PPRC1: variants seen among roughly 807,000 people sequenced by gnomAD.
PPRC1 encodes the protein peroxisome proliferator-activated receptor gamma coactivator-related protein 1.
In PPRC1, 23 loss-of-function variants were observed where a neutral mutation model predicts 132.5. The observed-to-expected ratio is 0.17, with a 90% CI of 0.12 to 0.25. The LOEUF (loss-of-function observed/expected upper bound fraction) is 0.25, where lower values mean the gene tolerates loss of function less well. Ranked by LOEUF, PPRC1 falls within the 10% of genes least tolerant of loss-of-function variation. The pLI is 1.00. For synonymous variants in PPRC1, 872 were observed against 833.5 expected (o/e 1.05, Z -0.80); for missense variants, 2,006 against 2,089.1 (o/e 0.96, Z 0.78).
Position 102,139,853 on chromosome 10 carries a change from G to A in PPRC1, c.1345G>A (p.Ala449Thr). The change falls in exon 5 of 14, where the codon GCA (alanine) becomes ACA (threonine). Residue 449 changes from alanine (A) to threonine (T), a missense_variant. Physicochemically the swap from Ala to Thr is moderately conservative, Grantham distance 58. Transcript: ENST00000278070. Reference sequence around the variant, plus strand: ...GGAGCCTCAGAACCCACCTGCCAATGCAGCACCAGGTTCCCAGAGAGCTCG... The same window carrying A: ...GGAGCCTCAGAACCCACCTGCCAATACAGCACCAGGTTCCCAGAGAGCTCG... ...PKEPQNPPAN[A>T]APGSQRARKG... 3.1e-6 allele frequency: 5 copies of A among 1,614,226 alleles called. No homozygotes were observed. The highest frequency in any genetic ancestry group is 4.2e-6 in the Non-Finnish European group (5 of 1,180,034).
Position 102,139,842 on chromosome 10 carries a change from C to T in PPRC1, c.1334C>T (p.Pro445Leu). The T allele has an allele frequency of 6.2e-7, 1 of 1,614,216 alleles. No individual in the cohort carries two copies. The highest frequency in any genetic ancestry group is 8.5e-7 in the Non-Finnish European group (1 of 1,180,032). ...GTGGTGCCCAAGGAGCCTCAGAACC[C>T]ACCTGCCAATGCAGCACCAGGTTCC... The part of the protein sequence containing the change: ...EPVVPKEPQN[P>L]PANAAPGSQR... Residue 445 changes from proline to leucine, a missense_variant, in exon 5 of 14, where the codon CCA (proline) becomes CTA (leucine). Pro to Leu is a moderately conservative substitution (Grantham distance 98). This residue lies in a region of PPRC1 where 1,914 missense variants were observed against 1,917.2 expected (regional missense o/e 1.00). Coordinates refer to ENST00000278070, the MANE Select transcript of PPRC1 (RefSeq NM_015062.5).
intron 2 of PPRC1, 75 bp from the exon 3 acceptor site, chr10:102,138,544 C>G: frequency 6.6e-7 from 1 of 1,523,502 alleles, no homozygotes; most frequent in Non-Finnish European, 8.9e-7. Context: ...CTGATTCTCT[C>G]GATATCCAGT....
At chr10:102,129,352 T>C (rs528202004), upstream of PPRC1, among the ~76,000 whole-genome samples, 1 of 152,154 alleles carries the variant, frequency 6.6e-6, no homozygotes, top group Non-Finnish European at 1.5e-5. Flanking sequence ...AAGGTTTTCC[T>C]TCATGGTCAT....
At chr10:102,126,418 C>T in the PPRC1 span, among the ~76,000 whole-genome samples, 1 of 150,824 alleles carries the variant, frequency 6.6e-6, no homozygotes, top group South Asian at 2.1e-4. Context: ...AAACCTCCAG[C>T]ATCTAACAGA....
the PPRC1 span, among the ~76,000 whole-genome samples, chr10:102,126,759 G>A: frequency 2.0e-5 from 3 of 151,758 alleles, no homozygotes; most frequent in East Asian, 1.9e-4. Context: ...ACACCCAGCC[G>A]CAGCCGTGAA....
intron 1 of PPRC1, among the ~76,000 whole-genome samples, chr10:102,137,543 A>G (rs1032666651): frequency 2.6e-5 from 4 of 152,166 alleles, no homozygotes; most frequent in Non-Finnish European, 4.4e-5. Flanking sequence ...CACTGCTGCC[A>G]GTAGATGATT....
At chr10:102,131,913 C>G (rs1032837235), upstream of PPRC1, among the ~76,000 whole-genome samples, 1 of 152,196 alleles carries the variant, frequency 6.6e-6, no homozygotes, top group South Asian at 2.1e-4. Flanking sequence ...CCACTTCAGC[C>G]TCCCAAAGTG....
chr10:102,120,347 GGTGTGAGTCCGCGGA>G, the PPRC1 span: 5 of 984,254 alleles, frequency 5.1e-6, no homozygotes, highest in Non-Finnish European at 6.0e-6. Context: ...TGTGCGCGCG[GGTGTGAGTCCGCGGA>G]GTGTGTGTCC....
the PPRC1 span, among the ~76,000 whole-genome samples, chr10:102,123,833 CTTTTTTTTTTTT>C: frequency 1.8e-3 from 125 of 68,312 alleles, 1 homozygote; most frequent in African/African-American, 6.5e-3. Context: ...CACGCCCGGC[CTTTTTTTTTTTT>C]TTTTTTTTTT....
chr10:102,121,201 T>G, the PPRC1 span, among the ~76,000 whole-genome samples: 43 of 152,012 alleles, frequency 2.8e-4, 1 homozygote, highest in South Asian at 8.9e-3. Context: ...TAGGAGGCCA[T>G]CCTTCCTTCT....
At position 102,137,879 on chromosome 10, in the gene PPRC1, T is replaced by A; in HGVS notation, c.183T>A (p.Ser61=). Residue 61 remains serine (S), a synonymous_variant, in exon 2 of 14, where the codon TCT becomes TCA. Coordinates refer to ENST00000278070, the MANE Select transcript of PPRC1 (RefSeq NM_015062.5). ...TGCTGCATGAGGAGGCGGGTGATTC[T>A]GGCTTTGTCAGTCTCTCTCGGCTGG... ...QVLLHEEAGD[S]GFVSLSRLGP... The A allele has an allele frequency of 6.2e-7, 1 of 1,614,086 alleles. No individual in the cohort carries two copies. The highest frequency in any genetic ancestry group is 8.5e-7 in the Non-Finnish European group (1 of 1,179,970).
In PPRC1 at chr10:102,140,069, C is replaced by G; in HGVS notation, c.1561C>G (p.Pro521Ala). Residue 521 changes from proline (P) to alanine (A), a missense_variant, in exon 5 of 14, where the codon CCC becomes GCC. Physicochemically the swap from Pro to Ala is conservative, Grantham distance 27. Around this residue, in one of 2 missense-constraint regions of PPRC1, gnomAD observed 1,914 missense variants for 1,917.2 expected, o/e 1.00. Transcript: ENST00000278070. ...TGGGCCTCTCCAGGGTAAGGGGAAG[C>G]CCCGGGCTTGGGCTCGGGCCTGGGC... ...ESGPLQGKGK[P>A]RAWARAWAAA... is the part of the protein sequence containing the mutation. The G allele has an allele frequency of 6.2e-7, 1 of 1,614,220 alleles. No homozygotes were observed. The highest frequency in any genetic ancestry group is 8.5e-7 in the Non-Finnish European group (1 of 1,180,034).
intron 2 of PPRC1, 85 bp from the exon 3 acceptor site, chr10:102,138,534 C>A: frequency 1.3e-6 from 2 of 1,503,464 alleles, no homozygotes; most frequent in South Asian, 1.3e-5. Context: ...ACCTGGGAGA[C>A]TGATTCTCTC....
In PPRC1 at chr10:102,150,160, TAAAA is replaced by T; in HGVS notation, c.*134_*137del. The T allele has an allele frequency of 1.5e-6, 1 of 663,508 alleles. No homozygotes were observed. The highest frequency in any genetic ancestry group is 2.6e-6 in the Non-Finnish European group (1 of 384,318). 41.1% of individuals were successfully genotyped at this position (663,508 alleles called of 1,614,324 possible). On this transcript the variant is annotated 3_prime_UTR_variant, in exon 14 of 14. Coordinates refer to ENST00000278070, the MANE Select transcript of PPRC1 (RefSeq NM_015062.5). ...TATAAAGAAATGGAAAAAAGTGAAA[TAAAA>T]AATATGTTGAATCAGATTTTTTAAA...
Position 102,139,546 on chromosome 10 carries a change from G to A in PPRC1, c.1038G>A (p.Leu346=). Residue 346 remains leucine, a synonymous_variant, in exon 5 of 14, where the codon CTG becomes CTA. Coordinates refer to ENST00000278070, the MANE Select transcript of PPRC1 (RefSeq NM_015062.5). ...CACTGCCTGAGGGCTGCGTAGTGCTGGAGATTGTGGGGCAGGCAGCCACAG... is the reference window on the plus strand; with the variant it reads ...CACTGCCTGAGGGCTGCGTAGTGCTAGAGATTGTGGGGCAGGCAGCCACAG... ...DLTLPEGCVV[L]EIVGQAATAG... is the part of the protein sequence containing the mutation. 6.2e-7 allele frequency: 1 copy of A among 1,613,942 alleles called. No homozygotes were observed. Among genetic ancestry groups the A allele is most frequent in the Non-Finnish European group, 8.5e-7 (1 of 1,179,930 alleles).
In PPRC1 at chr10:102,141,937, G is replaced by C. The variant is rs1358207334; in HGVS notation, c.3429G>C (p.Leu1143=). 4 of 1,614,136 alleles carry C rather than the reference G, an allele frequency of 2.5e-6. No individual in the cohort carries two copies. The highest frequency in any genetic ancestry group is 1.7e-5 in the Admixed American group (1 of 60,012). Residue 1143 remains leucine (L), a synonymous_variant, in exon 5 of 14, where the codon CTG becomes CTC. Coordinates refer to ENST00000278070, the MANE Select transcript of PPRC1 (RefSeq NM_015062.5). ...PAVHPARLRK[L]SFLPTPRTQG... is the part of the protein sequence containing the mutation. ...TCCACCCAGCCCGTCTAAGGAAGCT[G>C]TCCTTCCTGCCTACCCCACGTACTC... is the stretch of plus-strand genomic sequence containing the variant.
Position 102,148,789 on chromosome 10 carries a change from G to A in PPRC1, c.4618-28G>A. The A allele has an allele frequency of 6.2e-7, 1 of 1,614,170 alleles. No individual in the cohort carries two copies. The highest frequency in any genetic ancestry group is 2.2e-5 in the East Asian group (1 of 44,890). ...CAGCTGTAGCCCTGGCTAATGGTGT[G>A]TTGATTTTTTTTCATTTCCAAACAT... On this transcript the variant is annotated intron_variant, in intron 11 of 13. Transcript: ENST00000278070. The surrounding 1 kb of genome is among the most constrained non-coding windows in gnomAD (Gnocchi z 4.2).
In PPRC1 at chr10:102,149,922, A is replaced by G. The variant is rs1341305896; in HGVS notation, c.4892-4A>G. The G allele has an allele frequency of 1.2e-6, 2 of 1,603,582 alleles. No homozygotes were observed. The highest frequency in any genetic ancestry group is 1.7e-5 in the Admixed American group (1 of 59,982). On this transcript the variant is annotated splice_region_variant and splice_polypyrimidine_tract_variant and intron_variant, in intron 13 of 13. Coordinates refer to ENST00000278070, the MANE Select transcript of PPRC1 (RefSeq NM_015062.5). ...GACCTTGAAGTTTGTCTTTACCTTT[A>G]TAGACTCCAACCGGGAAGACTTTGA...
rs2069302372 is a variant in PPRC1 at position 102,147,283 on chromosome 10, A to G, written c.4291A>G (p.Ser1431Gly). The G allele has an allele frequency of 1.9e-6, 3 of 1,612,944 alleles. No individual in the cohort carries two copies. Among genetic ancestry groups the G allele is most frequent in the Non-Finnish European group, 2.5e-6 (3 of 1,180,038 alleles). The change falls in exon 9 of 14, where the codon AGC becomes GGC. Residue 1431 changes from serine to glycine, a missense_variant. Transcript: ENST00000278070. ...GRRGRNSRSV[S>G]SGSNRTSEAS... The stretch of plus-strand genomic sequence containing the variant: ...CCGAGGCCGCAACAGCCGTTCTGTC[A>G]GCTCTGGGTCCAACCGGACTAGCGA...
Sources: gnomAD v4.1 joint callset for allele counts (sites outside exome capture counted in the v4.1 genomes callset) on GRCh38, gnomAD v4.1.1 for gene constraint, gnomAD v4.1.1 regional missense constraint, Gnocchi (gnomAD v3.1) non-coding constraint, MANE v1.5 for transcripts, NCBI Gene and HGNC (gene_info 2026-07-23, HGNC 2026-07-21) for gene names.